OR6B1: variants seen among roughly 807,000 people sequenced by gnomAD.
OR6B1 encodes the protein olfactory receptor 6B1.
Under a neutral mutation model 15.4 loss-of-function variants are expected in OR6B1, and 15 were observed. The observed-to-expected ratio is 0.97, with a 90% CI of 0.65 to 1.50. OR6B1 has a LOEUF of 1.50. Ranked by LOEUF, OR6B1 falls within the 40% of genes most tolerant of loss-of-function variation. The pLI is 0.00. For missense variants in OR6B1, 384 were observed against 385.0 expected, an observed-to-expected ratio of 1.00 and a Z score of 0.02; for synonymous variants, 139 against 144.9, an observed-to-expected ratio of 0.96 and a Z score of 0.29.
At chr7:144,001,379 A>G (rs866096023) in intron 1 of OR6B1, among the ~76,000 whole-genome samples, 3 of 152,358 alleles carry the variant, frequency 2.0e-5, no homozygotes, top group African/African-American at 7.2e-5. Context: ...AAACTTATGT[A>G]ACTTGTGAAC....
intron 1 of OR6B1, among the ~76,000 whole-genome samples, chr7:144,002,308 G>A (rs1264236139): frequency 6.6e-6 from 1 of 152,118 alleles, no homozygotes; most frequent in Non-Finnish European, 1.5e-5. Flanking sequence ...GAACTTCCCA[G>A]CACCTATTAA....
In OR6B1 at chr7:144,005,118, T is replaced by G. The variant is rs754273434; in HGVS notation, c.*186T>G. 2.0e-5 allele frequency: 11 copies of G among 558,154 alleles called. No homozygotes were observed. Among genetic ancestry groups the G allele is most frequent in the Admixed American group, 3.4e-5 (1 of 29,334 alleles). The allele number at this position is 558,154 out of a possible 1,614,324, so 34.6% of individuals were successfully genotyped here. ...GGTCAGTGCTCTAAGGCCATACACC[T>G]TCTAGAGAGCTAGAGAAAACAGTTC... On this transcript the variant is annotated 3_prime_UTR_variant, in exon 2 of 2. Coordinates refer to ENST00000641698, the MANE Select transcript of OR6B1 (RefSeq NM_001005281.3).
rs1267541952 is a variant in OR6B1 at position 144,005,070 on chromosome 7, TG to T, written c.*141del. ...CATGTCTACTTCAATCTCAGGCGCT[TG>T]GGTATCTGCATCTGTGCATATGGTC... On this transcript the variant is annotated 3_prime_UTR_variant, in exon 2 of 2. Transcript: ENST00000641698. 1.6e-6 allele frequency: 1 copy of T among 637,894 alleles called. No homozygotes were observed. Among genetic ancestry groups the T allele is most frequent in the African/African-American group, 1.8e-5 (1 of 54,462 alleles). The allele number at this position is 637,894 out of a possible 1,614,324, so 39.5% of individuals were successfully genotyped here.
intron 1 of OR6B1, among the ~76,000 whole-genome samples, chr7:144,000,880 T>C (rs555392320): frequency 1.3e-3 from 191 of 152,326 alleles, no homozygotes; most frequent in Non-Finnish European, 2.4e-3. Context: ...TGGAGACATC[T>C]CTCTGTGTGG....
At position 144,004,295 on chromosome 7, in the gene OR6B1, A is replaced by G. The variant is rs750199812; in HGVS notation, c.299A>G (p.Gln100Arg). 1 of 1,614,206 alleles carries G rather than the reference A, an allele frequency of 6.2e-7. No individual in the cohort carries two copies. The change falls in exon 2 of 2, where the codon CAA becomes CGA. Residue 100 changes from glutamine (Q) to arginine (R), a missense_variant. Transcript: ENST00000641698. ...NSISFTLCMI[Q>R]LYFFIALMCT... is the part of the protein sequence containing the mutation. ...ATCTCTTTCACACTCTGTATGATACAACTGTACTTCTTCATTGCTCTCATG... is the reference window on the plus strand; with the variant it reads ...ATCTCTTTCACACTCTGTATGATACGACTGTACTTCTTCATTGCTCTCATG...
At chr7:144,002,957 C>G (rs1038782788) in intron 1 of OR6B1, among the ~76,000 whole-genome samples, 1 of 152,138 alleles carries the variant, frequency 6.6e-6, no homozygotes, top group Admixed American at 6.5e-5. Flanking sequence ...GTCAGAGGGA[C>G]CTTTCCTGAT....
At chr7:144,003,187 C>T (rs974067822) in intron 1 of OR6B1, among the ~76,000 whole-genome samples, 2 of 152,156 alleles carry the variant, frequency 1.3e-5, no homozygotes, top group Non-Finnish European at 1.5e-5. Flanking sequence ...TTAGTGTATT[C>T]CTACCTTCAT....
chr7:144,004,786 C>T lies in OR6B1; in HGVS notation c.790C>T (p.His264Tyr), dbSNP rs774087569. The change falls in exon 2 of 2, where the codon CAT becomes TAT. Residue 264 changes from histidine to tyrosine, a missense_variant. By Grantham distance (83) the His-to-Tyr change is moderately conservative (BLOSUM62 2). Transcript: ENST00000641698. ...IFMYARPRVI[H>Y]AFNMNKIISI... is the part of the protein sequence containing the mutation. ...CATGTATGCTCGACCTCGAGTTATC[C>T]ATGCCTTCAACATGAACAAAATTAT... 8 of 1,614,004 alleles carry T rather than the reference C, an allele frequency of 5.0e-6. No individual in the cohort carries two copies.
chr7:144,002,357 A>G (rs188007931), intron 1 of OR6B1, among the ~76,000 whole-genome samples: 18 of 152,342 alleles, frequency 1.2e-4, no homozygotes, highest in African/African-American at 4.1e-4. Flanking sequence ...TTCTGAACTG[A>G]TAGTAAGACA....
At chr7:144,003,615 T>C (rs2116974088) in intron 1 of OR6B1, among the ~76,000 whole-genome samples, 1 of 152,266 alleles carries the variant, frequency 6.6e-6, no homozygotes, top group East Asian at 1.9e-4. Context: ...CTTTTGGAAT[T>C]GGCAATTGTT....
rs375497759 is a variant in OR6B1 at position 144,004,187 on chromosome 7, C to T, written c.191C>T (p.Ala64Val). The stretch of plus-strand genomic sequence containing the variant: ...CACAAGCCTATGTACTTCTTCCTGG[C>T]CAACCTGTCCTTCTTGGAGACCTGG... The part of the protein sequence containing the change: ...PLHKPMYFFL[A>V]NLSFLETWYI... The change falls in exon 2 of 2, where the codon GCC becomes GTC. Residue 64 changes from alanine (A) to valine (V), a missense_variant. Ala to Val is a moderately conservative substitution (Grantham distance 64). Coordinates refer to ENST00000641698, the MANE Select transcript of OR6B1 (RefSeq NM_001005281.3). 9 of 1,614,062 alleles carry T rather than the reference C, an allele frequency of 5.6e-6. No individual in the cohort carries two copies. The African/African-American group carries it at 6.7e-5, about 12-fold the overall frequency.
rs1166671190 is a variant in OR6B1 at position 144,006,671 on chromosome 7, A to G, written c.*1739A>G. 1 of 152,230 alleles carries G rather than the reference A, an allele frequency of 6.6e-6. No individual in the cohort carries two copies. The highest frequency in any genetic ancestry group is 1.5e-5 in the Non-Finnish European group (1 of 68,032). 9.4% of individuals were successfully genotyped at this position (152,230 alleles called of 1,614,324 possible). ...TTGCATAGTCATATAGGGATATTAA[A>G]TGTGTGCATTAAGAAAGGAAAAGAC... On this transcript the variant is annotated 3_prime_UTR_variant, in exon 2 of 2. Transcript: ENST00000641698.
rs2050604228 is a variant in OR6B1, at chr7:144,004,226, C to T, written c.230C>T (p.Thr77Ile). 1.2e-6 allele frequency: 2 copies of T among 1,614,180 alleles called. No homozygotes were observed. Among genetic ancestry groups the T allele is most frequent in the South Asian group, 1.1e-5 (1 of 91,076 alleles). The change falls in exon 2 of 2, where the codon ACT becomes ATT. Residue 77 changes from threonine to isoleucine, a missense_variant. By Grantham distance (89) the Thr-to-Ile change is moderately conservative. Transcript: ENST00000641698. Reference sequence around the variant, plus strand: ...TTGGAGACCTGGTACATCTCTGTGACTGTGCCCAAGTTACTGTTTAGTTTT... The same window carrying T: ...TTGGAGACCTGGTACATCTCTGTGATTGTGCCCAAGTTACTGTTTAGTTTT... ...SFLETWYISV[T>I]VPKLLFSFWS...
chr7:144,001,485 A>G (rs767403331), intron 1 of OR6B1, among the ~76,000 whole-genome samples: 2 of 152,206 alleles, frequency 1.3e-5, no homozygotes, highest in Admixed American at 6.5e-5. Context: ...AGTGTATGCT[A>G]TGAGGGTGCT....
At position 144,004,459 on chromosome 7, in the gene OR6B1, A is replaced by G. The variant is rs2050608854; in HGVS notation, c.463A>G (p.Ile155Val). ...ALGSWAIGFG[I>V]SLAKIYFISC... ...TGGTTCCTGGGCCATTGGCTTTGGC[A>G]TCTCCCTGGCGAAGATCTACTTCAT... Residue 155 changes from isoleucine to valine, a missense_variant, in exon 2 of 2, where the codon ATC becomes GTC. By Grantham distance (29) the Ile-to-Val change is conservative. Coordinates refer to ENST00000641698, the MANE Select transcript of OR6B1 (RefSeq NM_001005281.3). 1 of 1,614,092 alleles carries G rather than the reference A, an allele frequency of 6.2e-7. No individual in the cohort carries two copies. The highest frequency in any genetic ancestry group is 8.5e-7 in the Non-Finnish European group (1 of 1,180,024).
Position 144,005,206 on chromosome 7 carries a change from T to C in OR6B1, c.*274T>C, listed in dbSNP as rs760906897. On this transcript the variant is annotated 3_prime_UTR_variant, in exon 2 of 2. Transcript: ENST00000641698. Reference sequence around the variant, plus strand: ...TGAGTAAATTTATAACTGAGTTAAGTAGGAAGAGAGATGGTGATGGGTGAG... The same window carrying C: ...TGAGTAAATTTATAACTGAGTTAAGCAGGAAGAGAGATGGTGATGGGTGAG... 6 of 342,826 alleles carry C rather than the reference T, an allele frequency of 1.8e-5. No individual in the cohort carries two copies. Among genetic ancestry groups the C allele is most frequent in the Non-Finnish European group, 3.2e-5 (6 of 188,538 alleles). 21.2% of individuals were successfully genotyped at this position (342,826 alleles called of 1,614,324 possible).
At chr7:144,003,479 T>G (rs2050597952) in intron 1 of OR6B1, among the ~76,000 whole-genome samples, 1 of 152,060 alleles carries the variant, frequency 6.6e-6, no homozygotes. Flanking sequence ...ACCTCATAGG[T>G]GATGACAGCT....
chr7:144,008,040 A>G lies in OR6B1; in HGVS notation c.*3108A>G, dbSNP rs2050636781. The G allele has an allele frequency of 6.6e-6, 1 of 152,190 alleles. No individual in the cohort carries two copies. The highest frequency in any genetic ancestry group is 1.5e-5 in the Non-Finnish European group (1 of 68,050). The allele number at this position is 152,190 out of a possible 1,614,324, so 9.4% of individuals were successfully genotyped here. ...ATAAGTAATGATTCTCCCCCCCTAG[A>G]GCTGTCAAAGGAAGAGAGCCCTGAT... is the stretch of plus-strand genomic sequence containing the variant. On this transcript the variant is annotated 3_prime_UTR_variant, in exon 2 of 2. Coordinates refer to ENST00000641698, the MANE Select transcript of OR6B1 (RefSeq NM_001005281.3).
At position 144,004,388 on chromosome 7, in the gene OR6B1, AC is replaced by A. The variant is rs2050607409; in HGVS notation, c.393del (p.Tyr132ThrfsTer4). The A allele has an allele frequency of 6.2e-7, 1 of 1,614,102 alleles. No individual in the cohort carries two copies. The highest frequency in any genetic ancestry group is 8.5e-7 in the Non-Finnish European group (1 of 1,180,004). Reference protein sequence around the residue: ...DRYVAICRPLHYPTIMSHGLC... With the variant: ...DRYVAICRPLXYPTIMSHGLC... ...TATGTGGCCATCTGTCGCCCACTCCACTACCCAACCATAATGAGCCATGGGC... is the reference window on the plus strand; with the variant it reads ...TATGTGGCCATCTGTCGCCCACTCCATACCCAACCATAATGAGCCATGGGC... On this transcript the variant is annotated frameshift_variant, in exon 2 of 2. Coordinates refer to ENST00000641698, the MANE Select transcript of OR6B1 (RefSeq NM_001005281.3). LOFTEE classifies it high-confidence loss of function.
Sources: gnomAD v4.1 joint callset for allele counts (sites outside exome capture counted in the v4.1 genomes callset) on GRCh38, gnomAD v4.1.1 for gene constraint, MANE v1.5 for transcripts, NCBI Gene and HGNC (gene_info 2026-07-23, HGNC 2026-07-21) for gene names.